CMTM8: variants seen among roughly 807,000 people sequenced by gnomAD.
CMTM8 encodes CKLF like MARVEL transmembrane domain containing 8.
Under a neutral mutation model 18.6 loss-of-function variants are expected in CMTM8, and 12 were observed. The observed-to-expected ratio is 0.65, with a 90% CI of 0.41 to 1.05. The LOEUF (loss-of-function observed/expected upper bound fraction) is 1.05. Ranked by LOEUF, CMTM8 falls within the 50% of genes least tolerant of loss-of-function variation. The pLI is 0.00. For synonymous variants in CMTM8, 87 were observed against 90.6 expected (o/e 0.96, Z 0.23); for missense variants, 217 against 227.2 (o/e 0.95, Z 0.29).
intron 1 of CMTM8, among the ~76,000 whole-genome samples, chr3:32,298,438 CTTTT>C (rs75095552): frequency 2.2e-5 from 3 of 139,084 alleles, no homozygotes; most frequent in Non-Finnish European, 3.1e-5. Context: ...ACATACCCCC[CTTTT>C]TTTTTTTTTT....
intron 1 of CMTM8, among the ~76,000 whole-genome samples, chr3:32,299,292 T>G (rs142958150): frequency 6.6e-6 from 1 of 152,292 alleles, no homozygotes; most frequent in African/African-American, 2.4e-5. Context: ...TTGGTTTGAA[T>G]CAATGAAAAT....
At chr3:32,362,951 G>A (rs148882985) in intron 2 of CMTM8, among the ~76,000 whole-genome samples, 88 of 152,218 alleles carry the variant, frequency 5.8e-4, no homozygotes, top group African/African-American at 2.0e-3. Context: ...TTAGCCTGAC[G>A]GGCACAGTCA....
At chr3:32,347,286 T>G in intron 1 of CMTM8, among the ~76,000 whole-genome samples, 1 of 132,652 alleles carries the variant, frequency 7.5e-6, no homozygotes, top group African/African-American at 2.7e-5. Context: ...TTTTTGGTTT[T>G]TTTTGCTTAG....
intron 1 of CMTM8, chr3:32,259,963 G>C (rs1301227594): frequency 8.8e-7 from 1 of 1,134,320 alleles, no homozygotes; most frequent in Non-Finnish European, 1.3e-6. Flanking sequence ...ACGGGATCCT[G>C]CTGCACCTGG....
At chr3:32,268,942 A>G (rs1702393155) in intron 1 of CMTM8, among the ~76,000 whole-genome samples, 1 of 152,218 alleles carries the variant, frequency 6.6e-6, no homozygotes, top group Admixed American at 6.5e-5. Context: ...TTGTGTGTTT[A>G]TAACCTGCCT....
intron 1 of CMTM8, among the ~76,000 whole-genome samples, chr3:32,300,509 T>TG (rs1695594038): frequency 6.6e-6 from 1 of 152,132 alleles, no homozygotes; most frequent in African/African-American, 2.4e-5. Context: ...GGAATGAGGC[T>TG]GAGAGGCAAG....
At chr3:32,263,248 A>G (rs1702282409) in intron 1 of CMTM8, among the ~76,000 whole-genome samples, 2 of 152,222 alleles carry the variant, frequency 1.3e-5, no homozygotes, top group Admixed American at 6.5e-5. Context: ...CCCCTCTGAG[A>G]CAAAACTTCA....
chr3:32,266,887 T>C (rs79361325), intron 1 of CMTM8, among the ~76,000 whole-genome samples: 8,078 of 152,186 alleles, frequency 0.053, 665 homozygotes, highest in East Asian at 0.43. Flanking sequence ...GGAATCCAAC[T>C]TACAAGGGAT....
At chr3:32,351,264 G>T (rs1247311380) in intron 1 of CMTM8, among the ~76,000 whole-genome samples, 1 of 152,092 alleles carries the variant, frequency 6.6e-6, no homozygotes, top group African/African-American at 2.4e-5. Context: ...AATAAAATTT[G>T]CCTTTCTTTA....
intron 1 of CMTM8, among the ~76,000 whole-genome samples, chr3:32,274,411 A>G (rs191145464): frequency 6.6e-6 from 1 of 152,334 alleles, no homozygotes; most frequent in African/African-American, 2.4e-5. Context: ...TTTTATTTTA[A>G]AAAAGTTCAA....
intron 1 of CMTM8, among the ~76,000 whole-genome samples, chr3:32,342,447 C>G (rs1696517271): frequency 6.6e-6 from 1 of 152,104 alleles, no homozygotes; most frequent in Admixed American, 6.5e-5. Context: ...AATTCAAAGC[C>G]CAGCTCTTCC....
intron 1 of CMTM8, among the ~76,000 whole-genome samples, chr3:32,261,811 G>A (rs1279473161): frequency 6.6e-6 from 1 of 152,182 alleles, no homozygotes; most frequent in African/African-American, 2.4e-5. Flanking sequence ...CCATCCGATT[G>A]CTTGTCCATC....
Position 32,260,109 on chromosome 3 carries a change from A to G in CMTM8, c.147+20990A>G, listed in dbSNP as rs538744775. ...CTGTTGGAAGATGGCGAGGACTTCA[A>G]TCTTGGTGATGCCCTGGACAGCAGC... On this transcript the variant is annotated intron_variant, in intron 1 of 3. Transcript: ENST00000307526. 105 of 1,058,302 alleles carry G rather than the reference A, an allele frequency of 9.9e-5. No individual in the cohort carries two copies. In the East Asian group the frequency reaches 2.1e-3, roughly 21 times the overall value. 65.6% of individuals were successfully genotyped at this position (1,058,302 alleles called of 1,614,324 possible).
At chr3:32,366,680 C>T (rs6550120) in intron 2 of CMTM8, among the ~76,000 whole-genome samples, 81,175 of 151,990 alleles carry the variant, frequency 0.53, 21,951 homozygotes, top group East Asian at 0.75. Flanking sequence ...ATTAAATTTG[C>T]GTGACTCTAT....
At chr3:32,348,396 T>C (rs957887437) in intron 1 of CMTM8, among the ~76,000 whole-genome samples, 1 of 152,192 alleles carries the variant, frequency 6.6e-6, no homozygotes, top group Non-Finnish European at 1.5e-5. Context: ...TCCACTGTGC[T>C]GGGTACTTAG....
At chr3:32,278,404 T>A (rs78214777) in intron 1 of CMTM8, among the ~76,000 whole-genome samples, 18,651 of 152,214 alleles carry the variant, frequency 0.12, 1,190 homozygotes, top group Middle Eastern at 0.2. Context: ...GCTGCTATTC[T>A]CAGCTCTCTC....
chr3:32,330,087 TAGAA>T (rs537476699), intron 1 of CMTM8, among the ~76,000 whole-genome samples: 97 of 151,696 alleles, frequency 6.4e-4, no homozygotes, highest in African/African-American at 2.2e-3. Context: ...GAGACATAAA[TAGAA>T]AGACATTCTA....
intron 1 of CMTM8, among the ~76,000 whole-genome samples, chr3:32,307,585 G>C (rs748908652): frequency 6.6e-6 from 1 of 152,216 alleles, no homozygotes; most frequent in Non-Finnish European, 1.5e-5. Context: ...GAGCATACTT[G>C]CATGTGTAGG....
At position 32,278,631 on chromosome 3, in the gene CMTM8, C is replaced by T. The variant is rs144913000; in HGVS notation, c.147+39512C>T. 2.9e-3 allele frequency among the ~76,000 whole-genome samples: 438 copies of T among 152,294 alleles called. 2 individuals carry two copies. Among genetic ancestry groups the T allele is most frequent in the Non-Finnish European group, 3.6e-3 (242 of 68,026 alleles). ...GCCTCCCTTTCAGGCCTGGCAAACT[C>T]CTTCTCAGGATAACGCAGCCCCATG... On this transcript the variant is annotated intron_variant, in intron 1 of 3. Coordinates refer to ENST00000307526, the MANE Select transcript of CMTM8 (RefSeq NM_178868.5).
Sources: gnomAD v4.1 joint callset for allele counts (sites outside exome capture counted in the v4.1 genomes callset) on GRCh38, gnomAD v4.1.1 for gene constraint, MANE v1.5 for transcripts, NCBI Gene and HGNC (gene_info 2026-07-23, HGNC 2026-07-21) for gene names.